PRTFDC1: variants seen among roughly 807,000 people sequenced by gnomAD.
The protein encoded by PRTFDC1 is phosphoribosyl transferase domain containing 1.
In PRTFDC1, 38 loss-of-function variants were observed where a neutral mutation model predicts 34.6. The observed-to-expected ratio is 1.10, with a 90% confidence interval of 0.85 to 1.44. PRTFDC1 has a LOEUF of 1.44. Among genes scored for constraint, PRTFDC1 ranks in the 40% most tolerant of loss-of-function variants. The probability of loss-of-function intolerance (pLI) is 0.00; values close to 1 mark genes in which losing one functional copy is unlikely to be tolerated. For synonymous variants in PRTFDC1, 93 were observed against 98.1 expected (o/e 0.95, Z 0.31); for missense variants, 270 against 283.0 (o/e 0.95, Z 0.33).
chr10:24,928,015 C>T (rs1035212145), intron 3 of PRTFDC1, among the ~76,000 whole-genome samples: 3 of 152,178 alleles, frequency 2.0e-5, no homozygotes, highest in Admixed American at 2.0e-4. Flanking sequence ...CCAAGTTACA[C>T]ATTTTTTGTT....
intron 4 of PRTFDC1, among the ~76,000 whole-genome samples, chr10:24,869,766 T>A (rs1410998032): frequency 6.6e-6 from 1 of 152,162 alleles, no homozygotes; most frequent in Non-Finnish European, 1.5e-5. Flanking sequence ...ACAAAGAGGG[T>A]GCTCCTCCCT....
chr10:24,937,701 G>A (rs1849077693), intron 2 of PRTFDC1, among the ~76,000 whole-genome samples: 1 of 151,918 alleles, frequency 6.6e-6, no homozygotes. Flanking sequence ...GGGAATACAG[G>A]CGCCTGCCAC....
At chr10:24,857,604 C>T (rs942802787) in intron 5 of PRTFDC1, among the ~76,000 whole-genome samples, 1 of 152,152 alleles carries the variant, frequency 6.6e-6, no homozygotes, top group Non-Finnish European at 1.5e-5. Flanking sequence ...AATCAGCTGT[C>T]ATGAGCTGAT....
At chr10:24,918,193 T>C (rs1848726329) in intron 3 of PRTFDC1, among the ~76,000 whole-genome samples, 1 of 152,154 alleles carries the variant, frequency 6.6e-6, no homozygotes, top group Non-Finnish European at 1.5e-5. Context: ...AGGCCTCATT[T>C]AACTGGGTTC....
intron 3 of PRTFDC1, among the ~76,000 whole-genome samples, chr10:24,873,034 C>T (rs1055105292): frequency 4.6e-5 from 7 of 151,728 alleles, no homozygotes; most frequent in African/African-American, 1.7e-4. Flanking sequence ...CTATGTTGTC[C>T]AGACTGGTCT....
intron 3 of PRTFDC1, among the ~76,000 whole-genome samples, chr10:24,932,565 A>C (rs1848987661): frequency 6.6e-6 from 1 of 152,044 alleles, no homozygotes; most frequent in Admixed American, 6.5e-5. Flanking sequence ...AAAATCATTA[A>C]ATATATAAGT....
chr10:24,898,820 T>C (rs1368875426), intron 3 of PRTFDC1, among the ~76,000 whole-genome samples: 1 of 152,026 alleles, frequency 6.6e-6, no homozygotes, highest in African/African-American at 2.4e-5. Context: ...TGTTTATGTC[T>C]CCCCCAAATT....
At chr10:24,896,505 C>T (rs1848366987) in intron 3 of PRTFDC1, among the ~76,000 whole-genome samples, 1 of 152,186 alleles carries the variant, frequency 6.6e-6, no homozygotes, top group South Asian at 2.1e-4. Flanking sequence ...CTTCACTGGG[C>T]CTCCTCATGA....
intron 5 of PRTFDC1, among the ~76,000 whole-genome samples, chr10:24,857,744 G>T (rs751191597): frequency 6.6e-5 from 10 of 151,826 alleles, no homozygotes; most frequent in Non-Finnish European, 1.3e-4. Context: ...GTAACAAAAG[G>T]TTGAAAACAG....
At chr10:24,932,590 A>G (rs1162708576) in intron 3 of PRTFDC1, among the ~76,000 whole-genome samples, 1 of 151,986 alleles carries the variant, frequency 6.6e-6, no homozygotes, top group African/African-American at 2.4e-5. Flanking sequence ...ATCTAACCAA[A>G]TATGCCTAAG....
intron 3 of PRTFDC1, among the ~76,000 whole-genome samples, chr10:24,922,573 C>G (rs1202349710): frequency 6.6e-6 from 1 of 152,148 alleles, no homozygotes; most frequent in Non-Finnish European, 1.5e-5. Flanking sequence ...TGCCTGCCAC[C>G]ATGTAAGATA....
chr10:24,907,580 A>G (rs999414409), intron 3 of PRTFDC1, among the ~76,000 whole-genome samples: 8 of 152,252 alleles, frequency 5.3e-5, no homozygotes, highest in South Asian at 2.1e-4. Context: ...TGGGCAACAG[A>G]GTGAGACTCT....
chr10:24,951,260 C>T lies in PRTFDC1; in HGVS notation c.48+1268G>A, dbSNP rs180967356. Among the ~76,000 whole-genome samples the T allele has an allele frequency of 7.2e-3, 1,099 of 152,134 alleles. 4 individuals are homozygous for T. Among genetic ancestry groups the T allele is most frequent in the Non-Finnish European group, 0.011 (770 of 68,014 alleles). On this transcript the variant is annotated intron_variant, in intron 1 of 8. Coordinates refer to ENST00000320152, the MANE Select transcript of PRTFDC1 (RefSeq NM_020200.7). ...TCCAATTACCCTCTATCCTGTTACC[C>T]TCCTCCTATTGCACATATCTCTATT...
chr10:24,851,255 C>A, intron 8 of PRTFDC1, 133 bp downstream of exon 8: 1 of 1,281,358 alleles, frequency 7.8e-7, no homozygotes, highest in Non-Finnish European at 1.0e-6. Context: ...AGTATGGATG[C>A]AATGTGCTCA....
intron 3 of PRTFDC1, among the ~76,000 whole-genome samples, chr10:24,875,047 C>T: frequency 6.6e-6 from 1 of 152,158 alleles, no homozygotes; most frequent in Middle Eastern, 3.2e-3. Flanking sequence ...TTTCCGGAGG[C>T]TTTCCTAGCC....
At chr10:24,876,477 C>A (rs564894157) in intron 3 of PRTFDC1, among the ~76,000 whole-genome samples, 1 of 151,960 alleles carries the variant, frequency 6.6e-6, no homozygotes, top group African/African-American at 2.4e-5. Flanking sequence ...AGGCGGATCA[C>A]GAGGTCAGGA....
Position 24,849,202 on chromosome 10 carries a change from G to A in PRTFDC1, c.*642C>T, listed in dbSNP as rs922552416. On this transcript the variant is annotated 3_prime_UTR_variant, in exon 9 of 9. Transcript: ENST00000320152. ...ACATGACATACCGTCATCACATACC[G>A]GAAGCTCCAATCAAGAGCCCCGAGC... 3 of 152,460 alleles carry A rather than the reference G, an allele frequency of 2.0e-5. No individual in the cohort carries two copies. The highest frequency in any genetic ancestry group is 4.4e-5 in the Non-Finnish European group (3 of 68,022). The allele number at this position is 152,460 out of a possible 1,614,324, so 9.4% of individuals were successfully genotyped here. A position where few individuals can be genotyped will look rare whatever the true frequency, so the allele number is the denominator to read the frequency against.
At chr10:24,901,689 A>G (rs1161996639) in intron 3 of PRTFDC1, among the ~76,000 whole-genome samples, 1 of 152,202 alleles carries the variant, frequency 6.6e-6, no homozygotes, top group African/African-American at 2.4e-5. Context: ...TGATTTCGCC[A>G]CTGCACTCCA....
At position 24,952,447 on chromosome 10, in the gene PRTFDC1, C is replaced by A; in HGVS notation, c.48+81G>T. The A allele has an allele frequency of 6.8e-7, 1 of 1,464,724 alleles. No homozygotes were observed. The highest frequency in any genetic ancestry group is 9.3e-7 in the Non-Finnish European group (1 of 1,070,818). 90.7% of individuals were successfully genotyped at this position (1,464,724 alleles called of 1,614,324 possible). A position where few individuals can be genotyped will look rare whatever the true frequency, so the allele number is the denominator to read the frequency against. On this transcript the variant is annotated intron_variant, in intron 1 of 8. Coordinates refer to ENST00000320152, the MANE Select transcript of PRTFDC1 (RefSeq NM_020200.7). This position sits in a 1 kb window ranked among gnomAD's most constrained non-coding sequence, Gnocchi z 5.1. ...GTGGCCCTCTCTCTCCCCCGACGCA[C>A]GGCAAGCATTTAATCTACAAGCAGG...
Sources: allele counts gnomAD v4.1 joint callset (sites outside exome capture counted in the v4.1 genomes callset), GRCh38; gene constraint gnomAD v4.1.1; non-coding constraint Gnocchi (gnomAD v3.1); transcripts MANE v1.5; gene names NCBI Gene and HGNC (gene_info 2026-07-23, HGNC 2026-07-21).